Variants in SLC37A1 observed in about 807,000 individuals in gnomAD.
SLC37A1 encodes the protein solute carrier family 37 member 1, also known as glucose-6-phosphate exchanger SLC37A1.
A neutral mutation model predicts 75.3 loss-of-function variants in SLC37A1; 49 were observed. That is an observed-to-expected ratio of 0.65 (90% CI 0.52 to 0.83). SLC37A1 has a LOEUF of 0.83. Ranked by LOEUF, SLC37A1 falls within the 40% of genes least tolerant of loss-of-function variation. The pLI, the probability that SLC37A1 is intolerant of heterozygous loss-of-function variation, is 0.00. For missense variants in SLC37A1, 566 were observed against 695.0 expected (o/e 0.81, Z 2.09); for synonymous variants, 268 against 292.1 (o/e 0.92, Z 0.84).
intron 3 of SLC37A1, among the ~76,000 whole-genome samples, chr21:42,528,770 A>G (rs866799916): frequency 6.6e-6 from 1 of 152,210 alleles, no homozygotes; most frequent in Admixed American, 6.5e-5. Context: ...CGAAGTTTGC[A>G]GTGAGCCGAG....
chr21:42,558,809 C>A (rs1486158133), intron 10 of SLC37A1, 149 bp from the exon 11 acceptor site: 9 of 859,818 alleles, frequency 1.0e-5, no homozygotes, highest in African/African-American at 1.7e-5. Context: ...AACACAGTGG[C>A]CAGGTGGGAA....
At chr21:42,505,351 A>G (rs894950168) in intron 2 of SLC37A1, among the ~76,000 whole-genome samples, 1 of 152,074 alleles carries the variant, frequency 6.6e-6, no homozygotes, top group Admixed American at 6.5e-5. Flanking sequence ...GCCTTTGCCT[A>G]TGCTGTTTGT....
At chr21:42,571,154 G>A (rs146402555) in intron 17 of SLC37A1, among the ~76,000 whole-genome samples, 1 of 152,308 alleles carries the variant, frequency 6.6e-6, no homozygotes, top group Non-Finnish European at 1.5e-5. Flanking sequence ...TGCCCAGCAA[G>A]ACAAAGTACA....
At chr21:42,580,323 C>T in intron 19 of SLC37A1, 22 bp from the exon 20 acceptor site, 1 of 1,611,304 alleles carries the variant, frequency 6.2e-7, no homozygotes, top group Non-Finnish European at 8.5e-7. Flanking sequence ...TAGAGCAGCT[C>T]TTCTTTCAAC....
chr21:42,504,343 C>T (rs1027452059), intron 2 of SLC37A1, among the ~76,000 whole-genome samples: 3 of 152,052 alleles, frequency 2.0e-5, no homozygotes, highest in South Asian at 2.1e-4. Flanking sequence ...GAAAACTCTC[C>T]GGAGTGAAGA....
intron 1 of SLC37A1, among the ~76,000 whole-genome samples, chr21:42,516,823 C>T (rs898152008): frequency 1.3e-5 from 2 of 152,292 alleles, no homozygotes; most frequent in South Asian, 2.1e-4. Flanking sequence ...GAGAGGAAGA[C>T]GTTTGCTTCT....
At chr21:42,536,961 G>A (rs558422654) in intron 5 of SLC37A1, among the ~76,000 whole-genome samples, 4 of 152,346 alleles carry the variant, frequency 2.6e-5, no homozygotes, top group Middle Eastern at 3.4e-3. Flanking sequence ...ACTGAGGCAT[G>A]TGGTCCCAAG....
rs1262044836 is a variant in SLC37A1 at position 42,580,396 on chromosome 21, C to T, written c.*36C>T. On this transcript the variant is annotated 3_prime_UTR_variant, in exon 20 of 20. Coordinates refer to ENST00000352133, the MANE Select transcript of SLC37A1 (RefSeq NM_001320537.2). ...CAGTCCCGTGGAGGGGGTCTGGGCC[C>T]ACCCTTCACAACTGCCTTTCAAGGA... 1 of 1,609,258 alleles carries T rather than the reference C, an allele frequency of 6.2e-7. No homozygotes were observed. The highest frequency in any genetic ancestry group is 1.7e-5 in the Admixed American group (1 of 59,636).
chr21:42,566,987 A>G lies in SLC37A1; in HGVS notation c.1273A>G (p.Met425Val). 1.2e-6 allele frequency: 2 copies of G among 1,606,690 alleles called. No individual in the cohort carries two copies. Among genetic ancestry groups the G allele is most frequent in the Non-Finnish European group, 1.7e-6 (2 of 1,179,800 alleles). ...CTTTGCCCCTCTGCCTCCCACAGCC[A>G]TGCTGCTGCTCAGCGGAGCCCTGGT... ...SKMGLEATIA[M>V]LLLSGALVSG... Residue 425 changes from methionine to valine, a missense_variant and splice_region_variant, in exon 16 of 20, where the codon ATG becomes GTG. By Grantham distance (21) the Met-to-Val change is conservative. Coordinates refer to ENST00000352133, the MANE Select transcript of SLC37A1 (RefSeq NM_001320537.2).
intron 14 of SLC37A1, 133 bp from the exon 15 acceptor site, chr21:42,565,694 C>CT: frequency 2.6e-6 from 2 of 771,706 alleles, no homozygotes; most frequent in Non-Finnish European, 4.3e-6. Context: ...GGCCGTCACG[C>CT]TTTTTTAGGG....
Position 42,554,054 on chromosome 21 carries a change from T to C in SLC37A1, c.769-8T>C, listed in dbSNP as rs529500594. On this transcript the variant is annotated splice_polypyrimidine_tract_variant and splice_region_variant and intron_variant, in intron 9 of 19. Coordinates refer to ENST00000352133, the MANE Select transcript of SLC37A1 (RefSeq NM_001320537.2). ...GTATCGCTCTAATGAAACTTTTTTT[T>C]TTACCAGCACTCAAAAGGCTATGAG... is the stretch of plus-strand genomic sequence containing the variant. 6 of 1,601,652 alleles carry C rather than the reference T, an allele frequency of 3.7e-6. No individual in the cohort carries two copies. In the African/African-American group the frequency reaches 5.4e-5, roughly 14 times the overall value.
At chr21:42,554,399 T>C (rs1326227216) in intron 10 of SLC37A1, among the ~76,000 whole-genome samples, 2 of 152,192 alleles carry the variant, frequency 1.3e-5, no homozygotes, top group Non-Finnish European at 2.9e-5. Flanking sequence ...TTCCAGGTGT[T>C]GGGGGCGGTG....
chr21:42,565,112 A>G (rs1006636281), intron 14 of SLC37A1, among the ~76,000 whole-genome samples: 3 of 152,212 alleles, frequency 2.0e-5, no homozygotes, highest in Non-Finnish European at 2.9e-5. Flanking sequence ...CCTCTTAGGC[A>G]TCGTTGACAC....
chr21:42,533,302 CA>C (rs2055042699), intron 3 of SLC37A1, among the ~76,000 whole-genome samples: 1 of 152,200 alleles, frequency 6.6e-6, no homozygotes, highest in African/African-American at 2.4e-5. Flanking sequence ...CCTCTGACCA[CA>C]AGGACTTCAC....
intron 15 of SLC37A1, 21 bp downstream of exon 15, chr21:42,565,896 G>C: frequency 6.2e-7 from 1 of 1,609,766 alleles, no homozygotes; most frequent in South Asian, 1.1e-5. Context: ...AGGCCTTCCT[G>C]CTTTTCTTCC....
rs565554614 is a variant in SLC37A1, at chr21:42,499,965, C to T, written c.-301+222C>T. 2.6e-5 allele frequency among the ~76,000 whole-genome samples: 4 copies of T among 152,376 alleles called. No homozygotes were observed. In the East Asian group the frequency reaches 7.7e-4, roughly 29 times the overall value. The stretch of plus-strand genomic sequence containing the variant: ...TGCCTTCTGTATTTTCCACAACCTT[C>T]CAGGCCCACCTCCCAGCTGGAGGCC... On this transcript the variant is annotated intron_variant, in intron 1 of 20. Coordinates refer to the SLC37A1 transcript ENST00000398341.
rs573755270 is a variant in SLC37A1, at chr21:42,548,025, T to A, written c.768+885T>A. Among the ~76,000 whole-genome samples, 1 of 152,116 alleles carries A rather than the reference T, an allele frequency of 6.6e-6. No homozygotes were observed. Among genetic ancestry groups the A allele is most frequent in the East Asian group, 1.9e-4 (1 of 5,168 alleles). ...GCCCGCGTCTGACCCAATGCTTCCC[T>A]CCCTCTGGGGGTCAGCTCTCTTCCC... On this transcript the variant is annotated intron_variant, in intron 9 of 19. Coordinates refer to ENST00000352133, the MANE Select transcript of SLC37A1 (RefSeq NM_001320537.2). This position sits in a 1 kb window ranked among gnomAD's most constrained non-coding sequence, Gnocchi z 5.6.
chr21:42,570,121 C>CCG (rs1474128269), intron 17 of SLC37A1, among the ~76,000 whole-genome samples: 1 of 68,252 alleles, frequency 1.5e-5, no homozygotes, highest in African/African-American at 3.7e-5. Flanking sequence ...GGCAGGGTGG[C>CCG]TGTTGCCATG....
intron 8 of SLC37A1, 139 bp from the exon 9 acceptor site, chr21:42,546,964 A>G: frequency 1.0e-6 from 1 of 967,018 alleles, no homozygotes; most frequent in Admixed American, 2.1e-5. Context: ...GCTCAAATCC[A>G]CTCATTTAAT....
Sources: gnomAD v4.1 joint callset for allele counts (sites outside exome capture counted in the v4.1 genomes callset) on GRCh38, gnomAD v4.1.1 for gene constraint, Gnocchi (gnomAD v3.1) non-coding constraint, MANE v1.5 for transcripts, NCBI Gene and HGNC (gene_info 2026-07-23, HGNC 2026-07-21) for gene names.